Variants in SPOCK3 observed in about 807,000 individuals in gnomAD.
SPOCK3 encodes the protein SPARC (osteonectin), cwcv and kazal like domains proteoglycan 3, also known as testican-3.
Under a neutral mutation model 56.6 loss-of-function variants are expected in SPOCK3, and 30 were observed. That is an observed-to-expected ratio of 0.53 (90% CI 0.40 to 0.72). SPOCK3 has a LOEUF of 0.72. Ranked by LOEUF, SPOCK3 falls within the 30% of genes least tolerant of loss-of-function variation. The probability of loss-of-function intolerance (pLI) is 0.00; values close to 1 mark genes in which losing one functional copy is unlikely to be tolerated. For synonymous variants in SPOCK3, 196 were observed against 183.3 expected, an observed-to-expected ratio of 1.07 and a Z score of -0.56; for missense variants, 527 against 530.0, an observed-to-expected ratio of 0.99 and a Z score of 0.06.
At chr4:166,881,165 A>G (rs890139276) in intron 6 of SPOCK3, among the ~76,000 whole-genome samples, 1 of 152,084 alleles carries the variant, frequency 6.6e-6, no homozygotes, top group Non-Finnish European at 1.5e-5. Context: ...TTGAAATTAA[A>G]AAATTCACAG....
At chr4:166,934,919 G>GA (rs111742345) in intron 4 of SPOCK3, among the ~76,000 whole-genome samples, 32,615 of 146,814 alleles carry the variant, frequency 0.22, 3,799 homozygotes, top group African/African-American at 0.31. Context: ...TTTGAGAAAA[G>GA]AAAAAAAAAA....
intron 7 of SPOCK3, among the ~76,000 whole-genome samples, chr4:166,784,029 A>T (rs1740471000): frequency 6.6e-6 from 1 of 152,096 alleles, no homozygotes; most frequent in African/African-American, 2.4e-5. Context: ...GACTGGCTAA[A>T]ATTGCTTAAC....
intron 2 of SPOCK3, among the ~76,000 whole-genome samples, chr4:167,115,094 CAACT>C (rs1281588682): frequency 5.3e-5 from 8 of 152,126 alleles, no homozygotes; most frequent in Middle Eastern, 3.4e-3. Context: ...ATATTGCGAA[CAACT>C]AACAGATTAG....
intron 2 of SPOCK3, among the ~76,000 whole-genome samples, chr4:167,222,664 A>G (rs1736079743): frequency 7.3e-6 from 1 of 136,908 alleles, no homozygotes; most frequent in African/African-American, 2.7e-5. Flanking sequence ...TAAATATATA[A>G]ACATAGATAT....
intron 2 of SPOCK3, among the ~76,000 whole-genome samples, chr4:167,131,314 A>G (rs755946583): frequency 6.6e-6 from 1 of 152,192 alleles, no homozygotes; most frequent in Non-Finnish European, 1.5e-5. Context: ...AGGACTGGGC[A>G]TGGTGGCTGA....
chr4:166,754,488 G>C lies in SPOCK3; in HGVS notation c.931+20C>G. 1 of 1,605,526 alleles carries C rather than the reference G, an allele frequency of 6.2e-7. No individual in the cohort carries two copies. The highest frequency in any genetic ancestry group is 2.2e-5 in the East Asian group (1 of 44,666). Reference sequence around the variant, plus strand: ...ACATGCAGGTCAACTATTTGCGTCTGTAAGGGTCTCATCTTTTACCTTGCT... The same window carrying C: ...ACATGCAGGTCAACTATTTGCGTCTCTAAGGGTCTCATCTTTTACCTTGCT... On this transcript the variant is annotated intron_variant, in intron 8 of 10. Coordinates refer to ENST00000357545, the MANE Select transcript of SPOCK3 (RefSeq NM_001040159.2).
At chr4:167,202,266 A>G (rs1733590429) in intron 2 of SPOCK3, among the ~76,000 whole-genome samples, 1 of 151,990 alleles carries the variant, frequency 6.6e-6, no homozygotes, top group Non-Finnish European at 1.5e-5. Flanking sequence ...GCAGTCTCAT[A>G]GCAGCAACTG....
chr4:166,772,556 AAG>A (rs912991057), intron 7 of SPOCK3, among the ~76,000 whole-genome samples: 1 of 117,960 alleles, frequency 8.5e-6, no homozygotes, highest in African/African-American at 3.3e-5. Context: ...AATTAGAAGA[AAG>A]AGAGGAAAAA....
chr4:166,737,079 A>G (rs568382130), intron 10 of SPOCK3, among the ~76,000 whole-genome samples: 1 of 152,192 alleles, frequency 6.6e-6, no homozygotes, highest in East Asian at 1.9e-4. Flanking sequence ...TCCCTAAGTT[A>G]CCATCTCCAG....
intron 2 of SPOCK3, among the ~76,000 whole-genome samples, chr4:167,101,647 T>A (rs1759655575): frequency 6.6e-6 from 1 of 151,986 alleles, no homozygotes; most frequent in Non-Finnish European, 1.5e-5. Flanking sequence ...CCAGGTTGTT[T>A]CCTTCAATAT....
At chr4:167,068,308 C>CT (rs1448643866) in intron 2 of SPOCK3, among the ~76,000 whole-genome samples, 1 of 151,652 alleles carries the variant, frequency 6.6e-6, no homozygotes, top group Non-Finnish European at 1.5e-5. Context: ...GATTTCAACT[C>CT]TGACTTCCAA....
intron 4 of SPOCK3, among the ~76,000 whole-genome samples, chr4:166,952,101 G>A (rs1214835605): frequency 6.6e-6 from 1 of 152,078 alleles, no homozygotes; most frequent in Non-Finnish European, 1.5e-5. Flanking sequence ...GGCAGGAGAA[G>A]GAAATAAAGG....
intron 6 of SPOCK3, among the ~76,000 whole-genome samples, chr4:166,840,366 T>TA (rs1747109528): frequency 6.6e-6 from 1 of 152,224 alleles, no homozygotes; most frequent in African/African-American, 2.4e-5. Context: ...TCGTCTACAT[T>TA]ATTTTTAAAA....
intron 9 of SPOCK3, 87 bp from the exon 10 acceptor site, chr4:166,737,691 T>C (rs890900930): frequency 7.2e-7 from 1 of 1,387,650 alleles, no homozygotes; most frequent in Non-Finnish European, 9.8e-7. Context: ...CCATTATGCA[T>C]TAATGCATTA....
chr4:166,833,356 C>A (rs1746283081), intron 6 of SPOCK3, among the ~76,000 whole-genome samples: 1 of 152,062 alleles, frequency 6.6e-6, no homozygotes, highest in Admixed American at 6.6e-5. Flanking sequence ...TCAGTTATGT[C>A]AAGCTGGTTG....
intron 2 of SPOCK3, among the ~76,000 whole-genome samples, chr4:167,148,023 C>T (rs1002103081): frequency 3.9e-5 from 6 of 151,942 alleles, no homozygotes; most frequent in African/African-American, 1.5e-4. Context: ...AATTGAGATC[C>T]AAAAAATGAC....
intron 2 of SPOCK3, among the ~76,000 whole-genome samples, chr4:167,147,443 A>T (rs1234858810): frequency 6.6e-6 from 1 of 152,176 alleles, no homozygotes; most frequent in Non-Finnish European, 1.5e-5. Flanking sequence ...CATTTGACCC[A>T]GCAATCCCAT....
intron 4 of SPOCK3, among the ~76,000 whole-genome samples, chr4:166,916,041 C>A (rs768087502): frequency 2.0e-5 from 3 of 152,106 alleles, no homozygotes; most frequent in Non-Finnish European, 4.4e-5. Context: ...TTCTAAAAAT[C>A]TGAGTTAAAA....
chr4:166,800,114 G>A (rs868383675), intron 6 of SPOCK3, among the ~76,000 whole-genome samples: 4 of 147,252 alleles, frequency 2.7e-5, no homozygotes, highest in Non-Finnish European at 5.9e-5. Context: ...CCCGGGAGGC[G>A]GAGCTTGCAG....
Sources: gnomAD v4.1 joint callset for allele counts (sites outside exome capture counted in the v4.1 genomes callset) on GRCh38, gnomAD v4.1.1 for gene constraint, MANE v1.5 for transcripts, NCBI Gene and HGNC (gene_info 2026-07-23, HGNC 2026-07-21) for gene names.